Variants in RAD23A observed in about 807,000 individuals in gnomAD.
RAD23A encodes RAD23 nucleotide excision repair protein A, also known as lysine-specific demethylase RAD23A.
RAD23A carries 16 observed loss-of-function variants against 44.8 expected under a neutral mutation model. The observed-to-expected ratio is 0.36, with a 90% CI of 0.24 to 0.54. The LOEUF (loss-of-function observed/expected upper bound fraction) is 0.54, where lower values mean the gene tolerates loss of function less well. Ranked by LOEUF, RAD23A falls within the 20% of genes least tolerant of loss-of-function variation. The probability of loss-of-function intolerance (pLI) is 0.89; values close to 1 mark genes in which losing one functional copy is unlikely to be tolerated. For synonymous variants in RAD23A, 217 were observed against 202.9 expected, an observed-to-expected ratio of 1.07 and a Z score of -0.59; for missense variants, 380 against 483.3, an observed-to-expected ratio of 0.79 and a Z score of 2.00.
chr19:12,948,857 CCCGGGCGTCA>C lies in RAD23A; in HGVS notation c.600+46_600+55del, dbSNP rs753536298. ...CTCCCGGGGAGGCCTTGAGGGAGTACCCGGGCGTCACTGCCCTGATGGGCGGTTGGGAAGG... is the reference window on the plus strand; with the variant it reads ...CTCCCGGGGAGGCCTTGAGGGAGTACCTGCCCTGATGGGCGGTTGGGAAGG... On this transcript the variant is annotated intron_variant, in intron 5 of 8. Coordinates refer to ENST00000586534, the MANE Select transcript of RAD23A (RefSeq NM_005053.4). The surrounding 1 kb of genome is among the most constrained non-coding windows in gnomAD (Gnocchi z 5.5). 6.1e-5 allele frequency: 95 copies of C among 1,568,902 alleles called. No individual in the cohort carries two copies. The Admixed American group carries it at 1.8e-3, about 29-fold the overall frequency.
intron 7 of RAD23A, among the ~76,000 whole-genome samples, chr19:12,951,121 G>A (rs142652128): frequency 6.6e-6 from 1 of 152,202 alleles, no homozygotes; most frequent in Non-Finnish European, 1.5e-5. Flanking sequence ...CCAACACCCA[G>A]ATGAGTTCAC....
In RAD23A at chr19:12,945,882, G is replaced by C; in HGVS notation, c.-67G>C. 3 of 1,548,380 alleles carry C rather than the reference G, an allele frequency of 1.9e-6. No individual in the cohort carries two copies. The highest frequency in any genetic ancestry group is 1.8e-6 in the Non-Finnish European group (2 of 1,133,030). ...GCGGCGCGGCGCGCCTGGGCGCTAA[G>C]ATGGCGGCGGCGTGAGTTGCATGTT... is the stretch of plus-strand genomic sequence containing the variant. On this transcript the variant is annotated 5_prime_UTR_variant, in exon 1 of 9. Transcript: ENST00000586534.
At position 12,952,865 on chromosome 19, in the gene RAD23A, G is replaced by T; in HGVS notation, c.978+12G>T. The T allele has an allele frequency of 6.2e-7, 1 of 1,603,062 alleles. No homozygotes were observed. The highest frequency in any genetic ancestry group is 8.5e-7 in the Non-Finnish European group (1 of 1,173,264). On this transcript the variant is annotated intron_variant, in intron 8 of 8. Coordinates refer to ENST00000586534, the MANE Select transcript of RAD23A (RefSeq NM_005053.4). ...AAGCTATAGAGAGGGTAAGAGGCCTGGCTGAGGGGTGACTGCAGGTGGGCA... is the reference window on the plus strand; with the variant it reads ...AAGCTATAGAGAGGGTAAGAGGCCTTGCTGAGGGGTGACTGCAGGTGGGCA...
chr19:12,952,481 C>T (rs1032455825), intron 7 of RAD23A: 11 of 579,142 alleles, frequency 1.9e-5, no homozygotes, highest in Admixed American at 3.4e-5. Flanking sequence ...TGTGAGCCAC[C>T]GTGCCCGGCT....
chr19:12,949,529 C>T, intron 7 of RAD23A, 121 bp downstream of exon 7: 4 of 1,356,604 alleles, frequency 2.9e-6, no homozygotes, highest in Admixed American at 4.4e-5. Context: ...CACATGCTTC[C>T]CCCACGCCCC....
Position 12,948,618 on chromosome 19 carries a change from G to T in RAD23A, c.472+66G>T. ...CAGCCATCAGCTGGGCCTTGTCTGGGTGCGGGAGGGCCTGGGAGCTGCCCT... is the reference window on the plus strand; with the variant it reads ...CAGCCATCAGCTGGGCCTTGTCTGGTTGCGGGAGGGCCTGGGAGCTGCCCT... On this transcript the variant is annotated intron_variant, in intron 4 of 8. Transcript: ENST00000586534. This position sits in a 1 kb window ranked among gnomAD's most constrained non-coding sequence, Gnocchi z 5.5. The T allele has an allele frequency of 6.3e-7, 1 of 1,581,132 alleles. No homozygotes were observed. The highest frequency in any genetic ancestry group is 8.6e-7 in the Non-Finnish European group (1 of 1,163,422).
At chr19:12,951,070 CA>C (rs1971798672) in intron 7 of RAD23A, among the ~76,000 whole-genome samples, 1 of 152,140 alleles carries the variant, frequency 6.6e-6, no homozygotes, top group African/African-American at 2.4e-5. Context: ...TCAAAAAGAA[CA>C]GAAACAAAAA....
chr19:12,946,171 CCCG>C (rs1971668363), intron 1 of RAD23A, 151 bp downstream of exon 1: 10 of 755,982 alleles, frequency 1.3e-5, no homozygotes, highest in Non-Finnish European at 1.8e-5. Flanking sequence ...TCCTGGACCC[CCCG>C]ATGGTCTTTG....
Position 12,949,315 on chromosome 19 carries a change from G to A in RAD23A, c.720G>A (p.Gln240=). 6.2e-7 allele frequency: 1 copy of A among 1,614,164 alleles called. No individual in the cohort carries two copies. The highest frequency in any genetic ancestry group is 8.5e-7 in the Non-Finnish European group (1 of 1,180,006). Residue 240 remains glutamine (Q), a synonymous_variant, in exon 7 of 9, where the codon CAG becomes CAA. Coordinates refer to ENST00000586534, the MANE Select transcript of RAD23A (RefSeq NM_005053.4). ...NPLEFLRDQP[Q]FQNMRQVIQQ... Reference sequence around the variant, plus strand: ...TGGAGTTCCTGCGGGACCAGCCCCAGTTCCAGAACATGCGGCAGGTGATTC... The same window carrying A: ...TGGAGTTCCTGCGGGACCAGCCCCAATTCCAGAACATGCGGCAGGTGATTC...
intron 7 of RAD23A, 48 bp from the exon 8 acceptor site, chr19:12,952,641 G>A (rs759997681): frequency 7.4e-5 from 114 of 1,548,654 alleles, no homozygotes; most frequent in Non-Finnish European, 9.4e-5. Flanking sequence ...GGGGAGAGGA[G>A]GGGACCAGGG....
chr19:12,950,890 C>T (rs908460766), intron 7 of RAD23A, among the ~76,000 whole-genome samples: 42 of 152,250 alleles, frequency 2.8e-4, no homozygotes, highest in African/African-American at 9.9e-4. Flanking sequence ...ATGGCAAAAA[C>T]TCGTCTCTAC....
At chr19:12,946,688 C>G (rs1258444701) in intron 1 of RAD23A, among the ~76,000 whole-genome samples, 2 of 152,086 alleles carry the variant, frequency 1.3e-5, no homozygotes, top group African/African-American at 2.4e-5. Context: ...GTGTGAGCGT[C>G]CACGATATAA....
intron 1 of RAD23A, 129 bp downstream of exon 1, chr19:12,946,149 C>A: frequency 1.1e-6 from 1 of 872,224 alleles, no homozygotes; most frequent in South Asian, 1.8e-5. Context: ...AGACCCCCGA[C>A]CTGCCCGACT....
chr19:12,948,936 T>C lies in RAD23A; in HGVS notation c.600+123T>C. Reference sequence around the variant, plus strand: ...GCCTTTGGGTAGTGATTCTAGCCACTAAAGGCTTCCCACAGGAGGCTGGAT... The same window carrying C: ...GCCTTTGGGTAGTGATTCTAGCCACCAAAGGCTTCCCACAGGAGGCTGGAT... On this transcript the variant is annotated intron_variant, in intron 5 of 8. Transcript: ENST00000586534. This position sits in a 1 kb window ranked among gnomAD's most constrained non-coding sequence, Gnocchi z 5.5. 6.5e-7 allele frequency: 1 copy of C among 1,535,254 alleles called. No individual in the cohort carries two copies. Among genetic ancestry groups the C allele is most frequent in the South Asian group, 1.2e-5 (1 of 84,556 alleles).
intron 7 of RAD23A, among the ~76,000 whole-genome samples, chr19:12,950,929 C>T (rs936661248): frequency 2.0e-5 from 3 of 152,206 alleles, no homozygotes; most frequent in Middle Eastern, 3.4e-3. Flanking sequence ...CTGAGCATGG[C>T]GGCAGGCCAC....
chr19:12,949,328 C>T lies in RAD23A; in HGVS notation c.733C>T (p.Arg245Trp), dbSNP rs1270308155. The change falls in exon 7 of 9, where the codon CGG (arginine) becomes TGG (tryptophan). Residue 245 changes from arginine (R) to tryptophan (W), a missense_variant. Arg to Trp is a moderately radical substitution (Grantham distance 101, BLOSUM62 -3). This residue lies in a region of RAD23A where 279 missense variants were observed against 313.7 expected (regional missense o/e 0.89). Transcript: ENST00000586534. Reference protein sequence around the residue: ...LRDQPQFQNMRQVIQQNPALL... With the variant: ...LRDQPQFQNMWQVIQQNPALL... ...GGACCAGCCCCAGTTCCAGAACATGCGGCAGGTGATTCAGCAGAACCCTGC... is the reference window on the plus strand; with the variant it reads ...GGACCAGCCCCAGTTCCAGAACATGTGGCAGGTGATTCAGCAGAACCCTGC... The T allele has an allele frequency of 4.3e-6, 7 of 1,614,112 alleles. No individual in the cohort carries two copies. Among genetic ancestry groups the T allele is most frequent in the Non-Finnish European group, 5.9e-6 (7 of 1,179,970 alleles).
chr19:12,953,132 ATGTT>A lies in RAD23A; in HGVS notation c.*85_*88del. Reference sequence around the variant, plus strand: ...TAAAAGAAAAAATATATATATATTCATGTTTATTTAAGAAATGGAAAAAAAAATC... The same window carrying A: ...TAAAAGAAAAAATATATATATATTCATATTTAAGAAATGGAAAAAAAAATC... On this transcript the variant is annotated 3_prime_UTR_variant, in exon 9 of 9. Transcript: ENST00000586534. The A allele has an allele frequency of 1.2e-6, 1 of 862,488 alleles. No individual in the cohort carries two copies. The highest frequency in any genetic ancestry group is 1.7e-6 in the Non-Finnish European group (1 of 579,982). The allele number at this position is 862,488 out of a possible 1,614,324, so 53.4% of individuals were successfully genotyped here. A position where few individuals can be genotyped will look rare whatever the true frequency, so the allele number is the denominator to read the frequency against.
At position 12,948,125 on chromosome 19, in the gene RAD23A, G is replaced by C. The variant is rs893989429; in HGVS notation, c.235-52G>C. On this transcript the variant is annotated intron_variant, in intron 2 of 8. Coordinates refer to ENST00000586534, the MANE Select transcript of RAD23A (RefSeq NM_005053.4). The surrounding 1 kb of genome is among the most constrained non-coding windows in gnomAD (Gnocchi z 5.5). ...GGGCGGGGCCACAGCGGAGCGGGTT[G>C]TTGGGTCTGATAGGGTTGCTGATGC... is the stretch of plus-strand genomic sequence containing the variant. 8 of 1,611,734 alleles carry C rather than the reference G, an allele frequency of 5.0e-6. No individual in the cohort carries two copies. Among genetic ancestry groups the C allele is most frequent in the Non-Finnish European group, 5.1e-6 (6 of 1,178,300 alleles).
chr19:12,946,076 G>A (rs1971663883), intron 1 of RAD23A, 56 bp downstream of exon 1: 1 of 1,251,170 alleles, frequency 8.0e-7, no homozygotes, highest in South Asian at 1.3e-5. Flanking sequence ...GGGTGGGGTG[G>A]GGGCGGGGAG....
Sources: gnomAD v4.1 joint callset for allele counts (sites outside exome capture counted in the v4.1 genomes callset) on GRCh38, gnomAD v4.1.1 for gene constraint, gnomAD v4.1.1 regional missense constraint, Gnocchi (gnomAD v3.1) non-coding constraint, MANE v1.5 for transcripts, NCBI Gene and HGNC (gene_info 2026-07-23, HGNC 2026-07-21) for gene names.